PDE7B: variants seen among roughly 807,000 people sequenced by gnomAD.
The protein encoded by PDE7B is phosphodiesterase 7B.
Under a neutral mutation model 56.2 loss-of-function variants are expected in PDE7B, and 29 were observed. That is an observed-to-expected ratio of 0.52 (90% CI 0.38 to 0.70). The LOEUF (loss-of-function observed/expected upper bound fraction) is 0.70. Ranked by LOEUF, PDE7B falls within the 30% of genes least tolerant of loss-of-function variation. PDE7B has a pLI of 0.00. For missense variants in PDE7B, 490 were observed against 565.0 expected (o/e 0.87, Z 1.35); for synonymous variants, 197 against 196.9 (o/e 1.00, Z 0.00).
intron 2 of PDE7B, among the ~76,000 whole-genome samples, chr6:135,950,172 TAAAC>T (rs888919731): frequency 2.0e-5 from 3 of 152,070 alleles, no homozygotes; most frequent in Non-Finnish European, 4.4e-5. Context: ...TCACTTAAAA[TAAAC>T]AAGAGAAATC....
intron 3 of PDE7B, among the ~76,000 whole-genome samples, chr6:136,123,080 T>C (rs954253917): frequency 8.2e-5 from 6 of 73,158 alleles, no homozygotes; most frequent in African/African-American, 3.4e-4. Context: ...CTCTTCTCCA[T>C]CTAGGTGCGG....
chr6:136,074,201 C>A (rs1266492355), intron 2 of PDE7B, among the ~76,000 whole-genome samples: 1 of 147,294 alleles, frequency 6.8e-6, no homozygotes, highest in Non-Finnish European at 1.5e-5. Flanking sequence ...CCACTGCACT[C>A]TATCCTGGGT....
In PDE7B at chr6:136,074,238, A is replaced by T. The variant is rs989392728; in HGVS notation, c.83-34493A>T. On this transcript the variant is annotated intron_variant, in intron 2 of 12. Coordinates refer to ENST00000308191, the MANE Select transcript of PDE7B (RefSeq NM_018945.4). Reference sequence around the variant, plus strand: ...ACAGAGAGACCTTGTCTCAAAAAAAAAAAAAGGCGGGGGGGATTTGGGGTT... The same window carrying T: ...ACAGAGAGACCTTGTCTCAAAAAAATAAAAAGGCGGGGGGGATTTGGGGTT... 7.6e-3 allele frequency among the ~76,000 whole-genome samples: 1,154 copies of T among 151,916 alleles called. 32 individuals are homozygous for T. The highest frequency in any genetic ancestry group is 5.3e-3 in the Non-Finnish European group (362 of 67,944).
chr6:136,088,079 A>G (rs969332463), intron 2 of PDE7B, among the ~76,000 whole-genome samples: 4 of 152,212 alleles, frequency 2.6e-5, no homozygotes, highest in African/African-American at 7.2e-5. Flanking sequence ...CTACAAGACT[A>G]AAGTTCAATG....
At position 135,939,286 on chromosome 6, in the gene PDE7B, CTTTTTTCTT is replaced by C. The variant is rs535999246; in HGVS notation, c.22-8166_22-8158del. ...TTTCTGCTCAGCTCGAGGTGATTATCTTTTTTCTTTTTTTTCTTTTGCTGGTGTGTCTCT... is the reference window on the plus strand; with the variant it reads ...TTTCTGCTCAGCTCGAGGTGATTATCTTTTTTCTTTTGCTGGTGTGTCTCT... On this transcript the variant is annotated intron_variant, in intron 1 of 12. Coordinates refer to ENST00000308191, the MANE Select transcript of PDE7B (RefSeq NM_018945.4). Among the ~76,000 whole-genome samples, 240 of 151,514 alleles carry C rather than the reference CTTTTTTCTT, an allele frequency of 1.6e-3. 5 individuals are homozygous for C. The South Asian group carries it at 0.048, about 30-fold the overall frequency.
At chr6:135,926,314 C>T (rs535442856) in intron 1 of PDE7B, among the ~76,000 whole-genome samples, 1 of 152,078 alleles carries the variant, frequency 6.6e-6, no homozygotes, top group Non-Finnish European at 1.5e-5. Flanking sequence ...GTCTCAATCT[C>T]CTGACCTCGT....
chr6:136,164,283 A>G (rs1337339966), intron 8 of PDE7B, among the ~76,000 whole-genome samples: 1 of 152,182 alleles, frequency 6.6e-6, no homozygotes, highest in African/African-American at 2.4e-5. Flanking sequence ...TAAAGCCATC[A>G]GATCTCATGA....
At chr6:136,149,592 C>T (rs1402302967) in intron 5 of PDE7B, among the ~76,000 whole-genome samples, 1 of 152,184 alleles carries the variant, frequency 6.6e-6, no homozygotes, top group Admixed American at 6.5e-5. Flanking sequence ...ATGTGTTTGA[C>T]ATCATCAGAA....
chr6:135,854,781 G>A (rs963576166), intron 1 of PDE7B, among the ~76,000 whole-genome samples: 3 of 152,302 alleles, frequency 2.0e-5, no homozygotes, highest in Middle Eastern at 3.4e-3. Context: ...TATATTAGCA[G>A]TCTTTAATGT....
At chr6:136,129,796 TTC>T (rs1407555165) in intron 3 of PDE7B, among the ~76,000 whole-genome samples, 1 of 152,224 alleles carries the variant, frequency 6.6e-6, no homozygotes, top group African/African-American at 2.4e-5. Flanking sequence ...CACCTTCTGC[TTC>T]TCTCTGTCCC....
At chr6:135,940,341 C>A (rs1330361581) in intron 1 of PDE7B, among the ~76,000 whole-genome samples, 1 of 152,204 alleles carries the variant, frequency 6.6e-6, no homozygotes, top group Non-Finnish European at 1.5e-5. Flanking sequence ...GTGCCCATAG[C>A]CTTCTATGTT....
At chr6:135,932,980 C>G (rs1774320844) in intron 1 of PDE7B, among the ~76,000 whole-genome samples, 1 of 152,192 alleles carries the variant, frequency 6.6e-6, no homozygotes, top group Admixed American at 6.5e-5. Context: ...TATGCACTCC[C>G]TGTGTTCTGG....
At chr6:136,005,826 A>G (rs1775771443) in intron 2 of PDE7B, among the ~76,000 whole-genome samples, 1 of 152,110 alleles carries the variant, frequency 6.6e-6, no homozygotes, top group Admixed American at 6.5e-5. Context: ...AACTAGAAAT[A>G]CCATTTGACA....
chr6:135,889,803 G>T (rs555961241), intron 1 of PDE7B, among the ~76,000 whole-genome samples: 1 of 124,928 alleles, frequency 8.0e-6, no homozygotes, highest in Non-Finnish European at 1.6e-5. Context: ...TCACCCGGGA[G>T]TGCAAATGAC....
intron 2 of PDE7B, among the ~76,000 whole-genome samples, chr6:136,105,181 T>C (rs1484645541): frequency 6.6e-6 from 1 of 152,202 alleles, no homozygotes; most frequent in African/African-American, 2.4e-5. Flanking sequence ...ACTGAAATGC[T>C]CTTTGATTGA....
At chr6:136,039,710 G>A (rs966937393) in intron 2 of PDE7B, among the ~76,000 whole-genome samples, 2 of 152,244 alleles carry the variant, frequency 1.3e-5, no homozygotes, top group African/African-American at 2.4e-5. Flanking sequence ...TGAGGGAAAC[G>A]AATAAAACTG....
chr6:136,174,925 T>TA (rs1269235485), intron 9 of PDE7B, among the ~76,000 whole-genome samples: 6 of 151,274 alleles, frequency 4.0e-5, no homozygotes, highest in Non-Finnish European at 7.4e-5. Context: ...CAAAAAGAAC[T>TA]AAAAACTAGA....
intron 11 of PDE7B, among the ~76,000 whole-genome samples, chr6:136,183,581 GC>G (rs1779101238): frequency 7.3e-6 from 1 of 136,592 alleles, no homozygotes; most frequent in African/African-American, 2.9e-5. Flanking sequence ...GGGTGACAGA[GC>G]GAGACTCTGT....
At chr6:135,959,675 T>C (rs1774862829) in intron 2 of PDE7B, among the ~76,000 whole-genome samples, 1 of 152,118 alleles carries the variant, frequency 6.6e-6, no homozygotes, top group Non-Finnish European at 1.5e-5. Context: ...ACTAATGAAA[T>C]GCCAAGAGGA....
Sources: gnomAD v4.1 joint callset for allele counts (sites outside exome capture counted in the v4.1 genomes callset) on GRCh38, gnomAD v4.1.1 for gene constraint, MANE v1.5 for transcripts, NCBI Gene and HGNC (gene_info 2026-07-23, HGNC 2026-07-21) for gene names.